MAN1A2: variants seen among roughly 807,000 people sequenced by gnomAD.
MAN1A2 encodes mannosidase alpha class 1A member 2.
In MAN1A2, 26 loss-of-function variants were observed where a neutral mutation model predicts 75.7. The ratio of observed to expected loss-of-function variants is 0.34; its 90% CI spans 0.25 to 0.48. The LOEUF is 0.48. Ranked by LOEUF, MAN1A2 falls within the 20% of genes least tolerant of loss-of-function variation. The probability of loss-of-function intolerance (pLI) is 0.99; values close to 1 mark genes in which losing one functional copy is unlikely to be tolerated. For synonymous variants in MAN1A2, 247 were observed against 264.6 expected, an observed-to-expected ratio of 0.93 and a Z score of 0.65; for missense variants, 562 against 775.5, an observed-to-expected ratio of 0.72 and a Z score of 3.27.
At chr1:117,512,244 T>G (rs1651558855) in intron 12 of MAN1A2, among the ~76,000 whole-genome samples, 1 of 151,788 alleles carries the variant, frequency 6.6e-6, no homozygotes, top group Admixed American at 6.6e-5. Flanking sequence ...CAGTAGAGAG[T>G]CAAAGGTCCA....
At chr1:117,453,657 G>T (rs760145939) in intron 6 of MAN1A2, among the ~76,000 whole-genome samples, 1 of 152,216 alleles carries the variant, frequency 6.6e-6, no homozygotes, top group Non-Finnish European at 1.5e-5. Flanking sequence ...TATTCCTGGT[G>T]AAGATGCTAT....
intron 1 of MAN1A2, among the ~76,000 whole-genome samples, chr1:117,378,408 C>A (rs868530859): frequency 6.6e-6 from 1 of 152,246 alleles, no homozygotes; most frequent in South Asian, 2.1e-4. Context: ...GTTATCTTTA[C>A]AATTTCACTT....
chr1:117,477,114 T>C (rs1293471936), intron 8 of MAN1A2, among the ~76,000 whole-genome samples: 1 of 151,902 alleles, frequency 6.6e-6, no homozygotes, highest in Non-Finnish European at 1.5e-5. Context: ...AATAGACCAA[T>C]AACAAGTTCT....
At chr1:117,470,741 A>G (rs1346425496) in intron 8 of MAN1A2, among the ~76,000 whole-genome samples, 1 of 151,974 alleles carries the variant, frequency 6.6e-6, no homozygotes, top group Non-Finnish European at 1.5e-5. Context: ...TGTATATTTT[A>G]TATCAGCCTC....
chr1:117,514,756 A>G, intron 12 of MAN1A2: 2 of 510,986 alleles, frequency 3.9e-6, no homozygotes, highest in Non-Finnish European at 8.0e-6. Flanking sequence ...GAGGATTCTC[A>G]GATGAGGGGA....
At chr1:117,477,070 C>A (rs910132240) in intron 8 of MAN1A2, among the ~76,000 whole-genome samples, 1 of 151,718 alleles carries the variant, frequency 6.6e-6, no homozygotes, top group Non-Finnish European at 1.5e-5. Flanking sequence ...CATACACCCT[C>A]CCAAGACTAA....
intron 8 of MAN1A2, among the ~76,000 whole-genome samples, chr1:117,471,761 T>G (rs1391748163): frequency 6.6e-6 from 1 of 151,942 alleles, no homozygotes; most frequent in Non-Finnish European, 1.5e-5. Flanking sequence ...GATTTGTTAT[T>G]ATAACATTTC....
At position 117,434,400 on chromosome 1, in the gene MAN1A2, T is replaced by C. The variant is rs144398091; in HGVS notation, c.856-7831T>C. Among the ~76,000 whole-genome samples, 1,112 of 152,322 alleles carry C rather than the reference T, an allele frequency of 7.3e-3. 18 individuals carry two copies. Among genetic ancestry groups the C allele is most frequent in the African/African-American group, 0.026 (1,065 of 41,564 alleles). ...GTGTGATAAATTGTTAGAATATAAA[T>C]TGATACTGTCTTTTCAGAAAATAAT... On this transcript the variant is annotated intron_variant, in intron 5 of 12. Coordinates refer to ENST00000356554, the MANE Select transcript of MAN1A2 (RefSeq NM_006699.5).
chr1:117,458,523 A>ATATAGATAT (rs1553236643), intron 6 of MAN1A2, among the ~76,000 whole-genome samples: 2 of 105,612 alleles, frequency 1.9e-5, no homozygotes, highest in Non-Finnish European at 4.0e-5. Context: ...ATATATATAT[A>ATATAGATAT]TTTTTTTTTT....
At chr1:117,460,747 T>TCAAA in intron 7 of MAN1A2, 135 bp downstream of exon 7, 1 of 1,042,000 alleles carries the variant, frequency 9.6e-7, no homozygotes, top group Non-Finnish European at 1.3e-6. Context: ...ATTTTTTCTT[T>TCAAA]TGAAGTTACT....
At position 117,475,084 on chromosome 1, in the gene MAN1A2, ATTTAGG is replaced by A. The variant is rs1018007496; in HGVS notation, c.1168+8660_1168+8665del. Among the ~76,000 whole-genome samples, 110 of 151,906 alleles carry A rather than the reference ATTTAGG, an allele frequency of 7.2e-4. 4 individuals carry two copies. Among genetic ancestry groups the A allele is most frequent in the Non-Finnish European group, 1.6e-4 (11 of 67,966 alleles). On this transcript the variant is annotated intron_variant, in intron 8 of 12. Transcript: ENST00000356554. ...TTTATCCATTCTCCTGTTGATGGAC[ATTTAGG>A]TTGTTTCTGGTTTGGGGCTATTACA... is the stretch of plus-strand genomic sequence containing the variant.
At position 117,390,544 on chromosome 1, in the gene MAN1A2, T is replaced by G. The variant is rs988143631; in HGVS notation, c.303-11642T>G. On this transcript the variant is annotated intron_variant, in intron 1 of 12. Transcript: ENST00000356554. ...CATTATTAGAAATTTATCAATTTTA[T>G]TGATCTCAAATAACTAGCTTTTGGA... 9.2e-5 allele frequency among the ~76,000 whole-genome samples: 14 copies of G among 152,094 alleles called. No homozygotes were observed. The East Asian group carries it at 2.5e-3, about 27-fold the overall frequency.
intron 5 of MAN1A2, among the ~76,000 whole-genome samples, chr1:117,423,527 G>T: frequency 6.6e-6 from 1 of 151,078 alleles, no homozygotes; most frequent in African/African-American, 2.4e-5. Context: ...TTTTTTTATT[G>T]GTGTTTCTAC....
intron 1 of MAN1A2, among the ~76,000 whole-genome samples, chr1:117,385,411 A>G (rs1653491501): frequency 6.6e-6 from 1 of 152,140 alleles, no homozygotes; most frequent in Admixed American, 6.5e-5. Flanking sequence ...TTCTATCTGA[A>G]TGTGTAGTAG....
intron 7 of MAN1A2, among the ~76,000 whole-genome samples, chr1:117,463,345 A>G (rs1407365652): frequency 6.6e-6 from 1 of 152,080 alleles, no homozygotes; most frequent in East Asian, 1.9e-4. Flanking sequence ...AGTATTCCCT[A>G]TCTGTCTTGC....
chr1:117,380,372 G>A (rs534047520), intron 1 of MAN1A2, among the ~76,000 whole-genome samples: 64 of 152,222 alleles, frequency 4.2e-4, no homozygotes, highest in African/African-American at 1.4e-3. Context: ...GGTGAAGTCC[G>A]ATTTATCTGT....
rs559634740 is a variant in MAN1A2 at position 117,383,749 on chromosome 1, A to T, written c.302+15264A>T. Among the ~76,000 whole-genome samples the T allele has an allele frequency of 3.7e-3, 552 of 147,890 alleles. 2 individuals carry two copies. Among genetic ancestry groups the T allele is most frequent in the African/African-American group, 0.012 (505 of 40,416 alleles). On this transcript the variant is annotated intron_variant, in intron 1 of 12. Coordinates refer to ENST00000356554, the MANE Select transcript of MAN1A2 (RefSeq NM_006699.5). Reference sequence around the variant, plus strand: ...TAATTGTTTATCATATTCTTTAAAAATTTTTTTTTTTTTTAAGCGTTGGGG... The same window carrying T: ...TAATTGTTTATCATATTCTTTAAAATTTTTTTTTTTTTTTAAGCGTTGGGG...
chr1:117,484,761 A>G (rs1252772358), intron 8 of MAN1A2, among the ~76,000 whole-genome samples: 1 of 151,934 alleles, frequency 6.6e-6, no homozygotes, highest in Non-Finnish European at 1.5e-5. Flanking sequence ...GTCTGTGTAT[A>G]TGTAAGTTTT....
In MAN1A2 at chr1:117,527,258, G is replaced by A. The variant is rs955041705; in HGVS notation, c.*4301G>A. 1.3e-5 allele frequency: 2 copies of A among 151,742 alleles called. No homozygotes were observed. Among genetic ancestry groups the A allele is most frequent in the Admixed American group, 6.6e-5 (1 of 15,196 alleles). The allele number at this position is 151,742 out of a possible 1,614,324, so 9.4% of individuals were successfully genotyped here. On this transcript the variant is annotated 3_prime_UTR_variant, in exon 13 of 13. Transcript: ENST00000356554. ...TACTCATTTCTGCTGTTGAAGTATC[G>A]AAAACAGATAGAGATACTATGTAAA...
Sources: gnomAD v4.1 joint callset for allele counts (sites outside exome capture counted in the v4.1 genomes callset) on GRCh38, gnomAD v4.1.1 for gene constraint, MANE v1.5 for transcripts, NCBI Gene and HGNC (gene_info 2026-07-23, HGNC 2026-07-21) for gene names.